The following PVT1 variants were observed in gnomAD, a reference collection of about 807,000 sequenced individuals.
PVT1 encodes Pvt1 oncogene, also known as CXCR4/PVT1 fusion.
chr8:128,093,088 A>AT (rs1475634944), intron 5 of PVT1, among the ~76,000 whole-genome samples: 1 of 151,982 alleles, frequency 6.6e-6, no homozygotes, highest in African/African-American at 2.4e-5. Flanking sequence ...ATCTTTTCAT[A>AT]TTTTTTTATT....
chr8:127,966,334 G>T (rs1816702436), intron 3 of PVT1, among the ~76,000 whole-genome samples: 1 of 152,182 alleles, frequency 6.6e-6, no homozygotes, highest in Admixed American at 6.5e-5. Flanking sequence ...GACCTGAATT[G>T]CTGAGGTTCA....
intron 3 of PVT1, among the ~76,000 whole-genome samples, chr8:127,981,747 C>T (rs1357909008): frequency 6.6e-6 from 1 of 152,174 alleles, no homozygotes; most frequent in Non-Finnish European, 1.5e-5. Context: ...CAGATGCCTC[C>T]TTTCTTCCCA....
chr8:128,023,434 A>T (rs1395053078), intron 4 of PVT1, among the ~76,000 whole-genome samples: 3 of 152,194 alleles, frequency 2.0e-5, no homozygotes, highest in Non-Finnish European at 4.4e-5. Context: ...TGCTTATGCC[A>T]CTGAGCTCGT....
intron 3 of PVT1, among the ~76,000 whole-genome samples, chr8:127,965,931 A>G (rs1816698876): frequency 6.6e-6 from 1 of 152,208 alleles, no homozygotes; most frequent in South Asian, 2.1e-4. Flanking sequence ...TTTTGGAAAG[A>G]CTACTTTGAT....
intron 2 of PVT1, among the ~76,000 whole-genome samples, chr8:127,878,269 T>C (rs1052941387): frequency 2.0e-5 from 3 of 152,186 alleles, no homozygotes; most frequent in Non-Finnish European, 2.9e-5. Flanking sequence ...AGCATCTTAA[T>C]CATCTTGAGC....
intron 4 of PVT1, among the ~76,000 whole-genome samples, chr8:128,010,878 G>A (rs979883871): frequency 2.0e-5 from 3 of 152,176 alleles, no homozygotes; most frequent in Non-Finnish European, 4.4e-5. Flanking sequence ...TTTGCCTGCC[G>A]TGTTTATTGC....
intron 5 of PVT1, among the ~76,000 whole-genome samples, chr8:128,093,814 T>G (rs969019429): frequency 6.6e-6 from 1 of 151,988 alleles, no homozygotes; most frequent in African/African-American, 2.4e-5. Context: ...ATTTTTGTAT[T>G]TTTAGTAGAG....
intron 4 of PVT1, among the ~76,000 whole-genome samples, chr8:128,033,604 C>A (rs1329533021): frequency 6.6e-6 from 1 of 152,152 alleles, no homozygotes; most frequent in Non-Finnish European, 1.5e-5. Flanking sequence ...TGAGATAGGT[C>A]ATGGAGAAAT....
intron 2 of PVT1, among the ~76,000 whole-genome samples, chr8:127,834,977 G>T (rs559038624): frequency 2.4e-4 from 36 of 152,260 alleles, no homozygotes; most frequent in African/African-American, 8.4e-4. Context: ...GAGAAATAGG[G>T]ACGCTTTTAC....
intron 2 of PVT1, among the ~76,000 whole-genome samples, chr8:127,853,004 C>T (rs1354797344): frequency 6.6e-6 from 1 of 152,108 alleles, no homozygotes; most frequent in Admixed American, 6.6e-5. Flanking sequence ...TTCTCTCTCA[C>T]GACATACAGA....
Position 127,997,044 on chromosome 8 carries a change from G to T in PVT1, n.912+7753G>T, listed in dbSNP as rs1032767120. ...GAACATTCACTGGTCATTTGCTTTCGTTTTTTTTTTTTGTTTGTTTGTTTT... is the reference window on the plus strand; with the variant it reads ...GAACATTCACTGGTCATTTGCTTTCTTTTTTTTTTTTTGTTTGTTTGTTTT... On this transcript the variant is annotated intron_variant and non_coding_transcript_variant, in intron 4 of 10. Transcript: ENST00000651587. Among the ~76,000 whole-genome samples, 105 of 81,518 alleles carry T rather than the reference G, an allele frequency of 1.3e-3. 1 individual carries two copies. The highest frequency in any genetic ancestry group is 3.1e-3 in the South Asian group (6 of 1,940). 53.5% of individuals were successfully genotyped at this position (81,518 alleles called of 152,430 possible).
At chr8:127,839,790 A>G (rs1381493593) in intron 2 of PVT1, among the ~76,000 whole-genome samples, 1 of 152,064 alleles carries the variant, frequency 6.6e-6, no homozygotes, top group Non-Finnish European at 1.5e-5. Flanking sequence ...TAAGGAGCCA[A>G]CATGGATCAT....
chr8:127,949,423 G>GTA (rs55711795), intron 3 of PVT1, among the ~76,000 whole-genome samples: 1 of 147,440 alleles, frequency 6.8e-6, no homozygotes, highest in Non-Finnish European at 1.5e-5. Context: ...GTGTGTGTGT[G>GTA]TATCTGTCTG....
chr8:127,914,456 C>A (rs1394695193), intron 3 of PVT1, among the ~76,000 whole-genome samples: 1 of 152,000 alleles, frequency 6.6e-6, no homozygotes. Context: ...CAATTCCACT[C>A]CTAGGTGTAT....
At chr8:128,005,042 A>G (rs889791854) in intron 4 of PVT1, among the ~76,000 whole-genome samples, 15 of 152,088 alleles carry the variant, frequency 9.9e-5, no homozygotes, top group Non-Finnish European at 1.9e-4. Flanking sequence ...CGGGAGGCTG[A>G]GGCAGGAGAA....
At chr8:127,908,018 T>C (rs1294004797) in intron 3 of PVT1, among the ~76,000 whole-genome samples, 1 of 152,172 alleles carries the variant, frequency 6.6e-6, no homozygotes, top group Non-Finnish European at 1.5e-5. Context: ...TGCCTTCCAG[T>C]GACTAAGGAG....
chr8:127,912,789 C>T (rs571669264), intron 3 of PVT1, among the ~76,000 whole-genome samples: 15 of 152,134 alleles, frequency 9.9e-5, no homozygotes, highest in African/African-American at 2.9e-4. Flanking sequence ...CTCCACCTCC[C>T]GGGTTCAAGC....
intron 3 of PVT1, among the ~76,000 whole-genome samples, chr8:127,980,074 G>A (rs1311786579): frequency 6.7e-6 from 1 of 149,600 alleles, no homozygotes; most frequent in Non-Finnish European, 1.5e-5. Flanking sequence ...TAGAGATGGG[G>A]TCTCACTGTG....
At chr8:127,812,239 G>A (rs1814603887) in intron 2 of PVT1, among the ~76,000 whole-genome samples, 1 of 128,474 alleles carries the variant, frequency 7.8e-6, no homozygotes, top group Non-Finnish European at 1.6e-5. Flanking sequence ...AGGCAGGAAG[G>A]AAGGAAGGCA....
Sources: allele counts gnomAD v4.1 joint callset (sites outside exome capture counted in the v4.1 genomes callset), GRCh38; gene constraint gnomAD v4.1.1; transcripts MANE v1.5; gene names NCBI Gene and HGNC (gene_info 2026-07-23, HGNC 2026-07-21).